FER1L6: variants seen among roughly 807,000 people sequenced by gnomAD.
FER1L6 encodes fer-1-like protein 6.
A neutral mutation model predicts 219.2 loss-of-function variants in FER1L6; 177 were observed. The ratio of observed to expected loss-of-function variants is 0.81; its 90% CI spans 0.71 to 0.91. The LOEUF (loss-of-function observed/expected upper bound fraction) is 0.91, where lower values mean the gene tolerates loss of function less well. FER1L6 is among the 40% of genes least tolerant of loss of function. The pLI is 0.00. For synonymous variants in FER1L6, 768 were observed against 824.3 expected (o/e 0.93, Z 1.17); for missense variants, 2,153 against 2,259.9 (o/e 0.95, Z 0.96).
intron 18 of FER1L6, among the ~76,000 whole-genome samples, chr8:124,028,806 CATGTGCACA>C (rs1260259033): frequency 6.6e-6 from 1 of 152,218 alleles, no homozygotes; most frequent in East Asian, 1.9e-4. Flanking sequence ...TTCCGGGATA[CATGTGCACA>C]ATGTGCAGGT....
intron 33 of FER1L6, among the ~76,000 whole-genome samples, chr8:124,090,924 G>A (rs762977350): frequency 6.6e-6 from 1 of 152,102 alleles, no homozygotes; most frequent in Non-Finnish European, 1.5e-5. Flanking sequence ...TGTTCTCCTA[G>A]GGACTTAATA....
intron 1 of FER1L6, among the ~76,000 whole-genome samples, chr8:123,862,574 C>T (rs1816765196): frequency 2.8e-5 from 4 of 142,486 alleles, no homozygotes; most frequent in Admixed American, 6.9e-5. Flanking sequence ...CTCCTTGTAC[C>T]TCTGGTAGAA....
intron 1 of FER1L6, among the ~76,000 whole-genome samples, chr8:123,861,490 TTAAAG>T (rs1190710540): frequency 7.6e-6 from 1 of 132,390 alleles, no homozygotes; most frequent in Non-Finnish European, 1.6e-5. Context: ...CATATGAACT[TTAAAG>T]TAGTTTTTTC....
intron 12 of FER1L6, among the ~76,000 whole-genome samples, chr8:123,998,648 A>G (rs1235842570): frequency 1.2e-4 from 18 of 152,198 alleles, no homozygotes; most frequent in Non-Finnish European, 2.1e-4. Context: ...CTTCAGGGCA[A>G]TGAGTTCACC....
At chr8:123,858,003 AT>A (rs575940606) in intron 1 of FER1L6, among the ~76,000 whole-genome samples, 2 of 151,908 alleles carry the variant, frequency 1.3e-5, no homozygotes, top group South Asian at 2.1e-4. Flanking sequence ...GCATCCCCAC[AT>A]TTTTTTGAAG....
At position 123,853,092 on chromosome 8, in the gene FER1L6, C is replaced by T. The variant is rs904019773; in HGVS notation, c.-8+907C>T. On this transcript the variant is annotated intron_variant, in intron 1 of 40. Coordinates refer to ENST00000522917, the MANE Select transcript of FER1L6 (RefSeq NM_001039112.2). This position sits in a 1 kb window ranked among gnomAD's most constrained non-coding sequence, Gnocchi z 6.6. ...CTCCTGGGCTCAAGCGATCCTCCTG[C>T]CTCAGCCTTCCAAAGTGCTCGGATT... Among the ~76,000 whole-genome samples the T allele has an allele frequency of 1.4e-4, 22 of 152,340 alleles. No individual in the cohort carries two copies. Among genetic ancestry groups the T allele is most frequent in the African/African-American group, 5.3e-4 (22 of 41,564 alleles).
At chr8:123,982,001 C>G (rs1321865967) in intron 11 of FER1L6, among the ~76,000 whole-genome samples, 1 of 152,172 alleles carries the variant, frequency 6.6e-6, no homozygotes, top group Non-Finnish European at 1.5e-5. Flanking sequence ...CTGTTTGTGA[C>G]TTTGGAAACT....
chr8:124,019,406 G>GCATGTATTGTTTTCACCTCAC (rs1030122431), intron 16 of FER1L6, among the ~76,000 whole-genome samples: 1 of 152,164 alleles, frequency 6.6e-6, no homozygotes, highest in African/African-American at 2.4e-5. Flanking sequence ...TTAATTATGT[G>GCATGTATTGTTTTCACCTCAC]CATGTATTGT....
chr8:123,966,094 C>A, intron 4 of FER1L6, 33 bp downstream of exon 4: 1 of 1,613,460 alleles, frequency 6.2e-7, no homozygotes, highest in South Asian at 1.1e-5. Flanking sequence ...CCAGCCTCCC[C>A]CAGTGCTTCC....
At chr8:124,089,049 A>T (rs1355552332) in intron 33 of FER1L6, among the ~76,000 whole-genome samples, 1 of 152,142 alleles carries the variant, frequency 6.6e-6, no homozygotes, top group East Asian at 1.9e-4. Context: ...CTCCGAGCTC[A>T]GCATAGCAGT....
chr8:124,077,490 G>C (rs1821341384), intron 32 of FER1L6, among the ~76,000 whole-genome samples: 1 of 152,194 alleles, frequency 6.6e-6, no homozygotes. Flanking sequence ...CTGAGGAAAT[G>C]AGGGCAATAA....
At chr8:124,118,819 CA>C (rs1823356626) in intron 39 of FER1L6, 24 bp from the exon 40 acceptor site, 1 of 1,608,870 alleles carries the variant, frequency 6.2e-7, no homozygotes, top group South Asian at 1.1e-5. Context: ...TGACTGGAAA[CA>C]AAAGGTTTTG....
intron 39 of FER1L6, among the ~76,000 whole-genome samples, chr8:124,112,097 T>C (rs1823043649): frequency 6.6e-6 from 1 of 152,204 alleles, no homozygotes; most frequent in African/African-American, 2.4e-5. Flanking sequence ...TTTCCATGTG[T>C]ATAAAATCAC....
At chr8:123,885,896 C>A (rs933403377) in intron 1 of FER1L6, among the ~76,000 whole-genome samples, 1 of 152,200 alleles carries the variant, frequency 6.6e-6, no homozygotes, top group African/African-American at 2.4e-5. Context: ...CTTCCTCCCC[C>A]ACTTACATTC....
intron 12 of FER1L6, among the ~76,000 whole-genome samples, chr8:124,000,846 C>G (rs1354580220): frequency 6.6e-6 from 1 of 152,138 alleles, no homozygotes; most frequent in Admixed American, 6.5e-5. Flanking sequence ...GGAAGCCTAA[C>G]AAAGAATCTC....
chr8:123,899,725 G>T (rs1812824013), intron 1 of FER1L6, among the ~76,000 whole-genome samples: 1 of 152,122 alleles, frequency 6.6e-6, no homozygotes, highest in Admixed American at 6.5e-5. Context: ...CATGTGGCTA[G>T]CCAATTATCC....
At chr8:123,996,207 G>C (rs957611584) in intron 12 of FER1L6, among the ~76,000 whole-genome samples, 1 of 152,088 alleles carries the variant, frequency 6.6e-6, no homozygotes, top group Non-Finnish European at 1.5e-5. Flanking sequence ...ATGTTTTTCT[G>C]TTGATTTTCT....
chr8:124,014,757 T>C (rs1818103706), intron 15 of FER1L6, among the ~76,000 whole-genome samples: 1 of 152,142 alleles, frequency 6.6e-6, no homozygotes, highest in African/African-American at 2.4e-5. Context: ...TAAAAAAAGA[T>C]AAAAAATAGG....
intron 15 of FER1L6, among the ~76,000 whole-genome samples, chr8:124,015,606 T>C (rs1475670354): frequency 1.7e-5 from 2 of 120,808 alleles, no homozygotes; most frequent in Non-Finnish European, 3.4e-5. Flanking sequence ...TATATATATA[T>C]ATATATATAT....
Sources: gnomAD v4.1 joint callset for allele counts (sites outside exome capture counted in the v4.1 genomes callset) on GRCh38, gnomAD v4.1.1 for gene constraint, Gnocchi (gnomAD v3.1) non-coding constraint, MANE v1.5 for transcripts, NCBI Gene and HGNC (gene_info 2026-07-23, HGNC 2026-07-21) for gene names.